WDR72: variants seen among roughly 807,000 people sequenced by gnomAD.
WDR72 encodes WD repeat-containing protein 72.
Under a neutral mutation model 124.2 loss-of-function variants are expected in WDR72, and 120 were observed. The ratio of observed to expected loss-of-function variants is 0.97; its 90% CI spans 0.83 to 1.12. WDR72 has a LOEUF of 1.12. Ranked by LOEUF, WDR72 falls within the 50% of genes most tolerant of loss-of-function variation. The pLI is 0.00. For synonymous variants in WDR72, 452 were observed against 441.7 expected, an observed-to-expected ratio of 1.02 and a Z score of -0.29; for missense variants, 1,387 against 1,278.8, an observed-to-expected ratio of 1.08 and a Z score of -1.29.
intron 3 of WDR72, among the ~76,000 whole-genome samples, chr15:53,722,440 A>G (rs1207344706): frequency 2.0e-5 from 3 of 152,196 alleles, no homozygotes; most frequent in Non-Finnish European, 4.4e-5. Context: ...TAAGAGCTCA[A>G]AGTGTGTTAC....
chr15:53,542,064 ACT>A (rs1205350967), intron 18 of WDR72, among the ~76,000 whole-genome samples: 2 of 38,892 alleles, frequency 5.1e-5, no homozygotes, highest in African/African-American at 1.1e-4. Context: ...GTTGGAAAAC[ACT>A]CTGCAGGATA....
intron 18 of WDR72, among the ~76,000 whole-genome samples, chr15:53,575,124 G>A (rs1471170678): frequency 6.6e-6 from 1 of 151,200 alleles, no homozygotes; most frequent in Admixed American, 6.6e-5. Flanking sequence ...ATTTCAAAAA[G>A]CAATGTAGTA....
intron 14 of WDR72, among the ~76,000 whole-genome samples, chr15:53,616,867 A>G (rs1358840981): frequency 6.6e-6 from 1 of 151,916 alleles, no homozygotes; most frequent in African/African-American, 2.4e-5. Flanking sequence ...ATTACTCTCT[A>G]TAATCTTCCT....
intron 13 of WDR72, among the ~76,000 whole-genome samples, chr15:53,688,005 T>TG (rs2016703001): frequency 1.4e-5 from 2 of 146,906 alleles, no homozygotes; most frequent in African/African-American, 2.6e-5. Context: ...TTTGACAAAA[T>TG]TCAACAACCC....
chr15:53,583,430 C>A (rs2012035557), intron 18 of WDR72, among the ~76,000 whole-genome samples: 1 of 135,514 alleles, frequency 7.4e-6, no homozygotes, highest in South Asian at 2.6e-4. Context: ...AACTTTAGTT[C>A]ATTTGGAAAA....
chr15:53,706,256 T>G (rs1034695741), intron 9 of WDR72, among the ~76,000 whole-genome samples, 182 bp from the exon 10 acceptor site: 1 of 151,306 alleles, frequency 6.6e-6, no homozygotes, highest in East Asian at 1.9e-4. Flanking sequence ...AGAGGCTTTA[T>G]AAAACAAGAA....
At chr15:53,695,538 C>G (rs1278406993) in intron 13 of WDR72, among the ~76,000 whole-genome samples, 2 of 152,154 alleles carry the variant, frequency 1.3e-5, no homozygotes, top group Non-Finnish European at 2.9e-5. Context: ...CCTAATCAGG[C>G]CTAAACATCA....
chr15:53,637,309 C>G (rs1480679873), intron 14 of WDR72, among the ~76,000 whole-genome samples: 2 of 152,158 alleles, frequency 1.3e-5, no homozygotes, highest in African/African-American at 2.4e-5. Flanking sequence ...TTATTTTGCA[C>G]AACGTTTCTC....
intron 18 of WDR72, among the ~76,000 whole-genome samples, chr15:53,560,181 C>A (rs982892580): frequency 6.6e-6 from 1 of 151,848 alleles, no homozygotes; most frequent in Non-Finnish European, 1.5e-5. Flanking sequence ...TGGCTTTCTG[C>A]AAAATAAAGT....
intron 2 of WDR72, among the ~76,000 whole-genome samples, chr15:53,731,681 G>A (rs1219871904): frequency 6.6e-6 from 1 of 151,664 alleles, no homozygotes; most frequent in Non-Finnish European, 1.5e-5. Flanking sequence ...ACCATTCCCT[G>A]CTTAGAGTGC....
chr15:53,632,339 G>T (rs185806564), intron 14 of WDR72, among the ~76,000 whole-genome samples: 36 of 152,210 alleles, frequency 2.4e-4, no homozygotes, highest in African/African-American at 8.7e-4. Context: ...GCCTGAAGAT[G>T]TGCAGAATGC....
intron 14 of WDR72, among the ~76,000 whole-genome samples, chr15:53,619,264 T>TTGTG (rs3081256): frequency 0.22 from 32,469 of 147,308 alleles, 3,935 homozygotes; most frequent in East Asian, 0.42. Flanking sequence ...TGCTTTATAA[T>TTGTG]TGTGTGTGTG....
chr15:53,679,194 A>C (rs1301237884), intron 13 of WDR72, among the ~76,000 whole-genome samples: 1 of 152,174 alleles, frequency 6.6e-6, no homozygotes, highest in East Asian at 1.9e-4. Flanking sequence ...GTGGGTATGG[A>C]GTTTCATTTA....
chr15:53,670,078 G>A (rs955903195), intron 13 of WDR72, among the ~76,000 whole-genome samples: 1 of 152,044 alleles, frequency 6.6e-6, no homozygotes, highest in African/African-American at 2.4e-5. Context: ...TTCAAAGTAG[G>A]TGTGCAAAAA....
intron 18 of WDR72, among the ~76,000 whole-genome samples, chr15:53,525,911 G>C (rs1282975463): frequency 1.3e-5 from 2 of 152,086 alleles, no homozygotes; most frequent in African/African-American, 2.4e-5. Context: ...CATTCTGCCA[G>C]TTGGGAATAG....
intron 2 of WDR72, among the ~76,000 whole-genome samples, chr15:53,730,704 T>A (rs934417562): frequency 6.6e-6 from 1 of 152,126 alleles, no homozygotes; most frequent in Non-Finnish European, 1.5e-5. Context: ...AACCATGTAG[T>A]TACATCCTTT....
At chr15:53,701,850 T>A (rs12905988) in intron 12 of WDR72, among the ~76,000 whole-genome samples, 1 of 152,122 alleles carries the variant, frequency 6.6e-6, no homozygotes, top group African/African-American at 2.4e-5. Context: ...AAAAAATAGA[T>A]GTAAGTACTT....
chr15:53,745,728 C>A (rs2018627892), intron 1 of WDR72, among the ~76,000 whole-genome samples: 1 of 152,108 alleles, frequency 6.6e-6, no homozygotes, highest in African/African-American at 2.4e-5. Flanking sequence ...ATAGTAGGGT[C>A]TCTGGTATCT....
chr15:53,753,313 T>C (rs538651017), intron 1 of WDR72, among the ~76,000 whole-genome samples: 2 of 152,354 alleles, frequency 1.3e-5, no homozygotes, highest in African/African-American at 4.8e-5. Context: ...CAAGGCCTAT[T>C]TGGAGAAGCC....
Sources: allele counts gnomAD v4.1 joint callset (sites outside exome capture counted in the v4.1 genomes callset), GRCh38; gene constraint gnomAD v4.1.1; transcripts MANE v1.5; gene names NCBI Gene and HGNC (gene_info 2026-07-23, HGNC 2026-07-21).